Variants in HYCC2 observed in about 807,000 individuals in gnomAD.
HYCC2 encodes hyccin 2.
At chr2:201,010,872 C>A in the HYCC2 span, among the ~76,000 whole-genome samples, 1 of 151,778 alleles carries the variant, frequency 6.6e-6, no homozygotes, top group South Asian at 2.1e-4. Context: ...TAGAGTCAGG[C>A]GTGGTGGCTC....
chr2:201,007,258 A>G, the HYCC2 span, among the ~76,000 whole-genome samples: 1 of 152,184 alleles, frequency 6.6e-6, no homozygotes, highest in African/African-American at 2.4e-5. Context: ...AAATATCATA[A>G]GTCAAAAAAG....
chr2:201,043,149 A>T, the HYCC2 span, among the ~76,000 whole-genome samples: 2 of 152,178 alleles, frequency 1.3e-5, no homozygotes, highest in African/African-American at 4.8e-5. Context: ...GTGCTCTCTG[A>T]AACATGAGCT....
the HYCC2 span, among the ~76,000 whole-genome samples, chr2:201,007,209 A>C: frequency 1.3e-5 from 2 of 152,186 alleles, no homozygotes; most frequent in Non-Finnish European, 2.9e-5. Flanking sequence ...TTCTCGACCT[A>C]TGATGGAATT....
At chr2:201,051,689 G>A in the HYCC2 span, among the ~76,000 whole-genome samples, 1 of 152,148 alleles carries the variant, frequency 6.6e-6, no homozygotes, top group African/African-American at 2.4e-5. Context: ...TGTAAATAAA[G>A]CGGAGGATAT....
the HYCC2 span, among the ~76,000 whole-genome samples, chr2:200,990,700 T>C: frequency 2.0e-5 from 3 of 151,898 alleles, no homozygotes; most frequent in Admixed American, 6.6e-5. Context: ...GCCTCCCAAG[T>C]AGCTGGGATT....
At chr2:201,065,089 T>A in the HYCC2 span, among the ~76,000 whole-genome samples, 4 of 152,366 alleles carry the variant, frequency 2.6e-5, no homozygotes, top group South Asian at 8.3e-4. Flanking sequence ...AGAACTGTTC[T>A]GTCACCAAGA....
At chr2:201,009,882 TC>T in the HYCC2 span, among the ~76,000 whole-genome samples, 2 of 151,658 alleles carry the variant, frequency 1.3e-5, no homozygotes, top group East Asian at 3.9e-4. Context: ...GGTGGGCAGA[TC>T]AAGAGGTCAG....
At chr2:200,984,641 T>G in the HYCC2 span, among the ~76,000 whole-genome samples, 47 of 152,208 alleles carry the variant, frequency 3.1e-4, 1 homozygote, top group Non-Finnish European at 1.8e-4. Context: ...TCCCAACATT[T>G]TGGGAAGCCA....
chr2:201,070,489 C>G, the HYCC2 span, among the ~76,000 whole-genome samples: 1 of 152,006 alleles, frequency 6.6e-6, no homozygotes, highest in Non-Finnish European at 1.5e-5. Context: ...CCCGTATCTA[C>G]TAAAAATACA....
At chr2:200,995,295 A>G in the HYCC2 span, among the ~76,000 whole-genome samples, 1 of 152,218 alleles carries the variant, frequency 6.6e-6, no homozygotes, top group Non-Finnish European at 1.5e-5. Context: ...ATCTCTTCCC[A>G]GTAACAAAAT....
the HYCC2 span, among the ~76,000 whole-genome samples, chr2:201,029,836 G>A: frequency 1.3e-5 from 2 of 152,110 alleles, no homozygotes; most frequent in African/African-American, 2.4e-5. Flanking sequence ...TGTAAATGAC[G>A]AGTTAATGGG....
chr2:200,983,310 G>A, the HYCC2 span, among the ~76,000 whole-genome samples: 1 of 152,076 alleles, frequency 6.6e-6, no homozygotes, highest in Admixed American at 6.5e-5. Flanking sequence ...AAAAATGTTA[G>A]GAAAGAATCT....
the HYCC2 span, among the ~76,000 whole-genome samples, chr2:200,986,036 G>C: frequency 2.0e-5 from 3 of 152,254 alleles, no homozygotes; most frequent in South Asian, 2.1e-4. Context: ...CCAACTCTGG[G>C]TTCCACATCT....
At chr2:201,019,130 T>C in the HYCC2 span, among the ~76,000 whole-genome samples, 2 of 152,322 alleles carry the variant, frequency 1.3e-5, no homozygotes, top group East Asian at 3.9e-4. Flanking sequence ...AGTAAAAAAC[T>C]GTTGCTCTCA....
the HYCC2 span, chr2:201,052,344 C>T: frequency 1.3e-5 from 2 of 152,720 alleles, no homozygotes; most frequent in Non-Finnish European, 2.9e-5. Context: ...GTGGCTCACG[C>T]TTGTTATCCC....
At chr2:201,068,590 T>C in the HYCC2 span, among the ~76,000 whole-genome samples, 2 of 152,216 alleles carry the variant, frequency 1.3e-5, no homozygotes, top group Non-Finnish European at 1.5e-5. Flanking sequence ...AAGTGATATG[T>C]GTATGCCTTT....
At chr2:200,974,994 A>G in the HYCC2 span, 6 of 151,938 alleles carry the variant, frequency 3.9e-5, no homozygotes, top group African/African-American at 1.4e-4. Context: ...CTTAACCCAC[A>G]ATATTATACA....
chr2:201,031,135 C>CT, the HYCC2 span, among the ~76,000 whole-genome samples: 2 of 152,110 alleles, frequency 1.3e-5, no homozygotes, highest in South Asian at 4.1e-4. Flanking sequence ...AAACTATAAT[C>CT]TTTCAGATTT....
chr2:201,002,906 A>G, the HYCC2 span, among the ~76,000 whole-genome samples: 1,708 of 152,330 alleles, frequency 0.011, 15 homozygotes, highest in Non-Finnish European at 0.017. Flanking sequence ...TGTATGTACA[A>G]AAAATGTGTT....
Sources: allele counts gnomAD v4.1 joint callset (sites outside exome capture counted in the v4.1 genomes callset), GRCh38; gene constraint gnomAD v4.1.1; transcripts MANE v1.5; gene names NCBI Gene and HGNC (gene_info 2026-07-23, HGNC 2026-07-21).